Variants in EPHA5 observed in about 807,000 individuals in gnomAD.
The protein encoded by EPHA5 is EPH receptor A5.
EPHA5 carries 60 observed loss-of-function variants against 105.0 expected under a neutral mutation model. That is an observed-to-expected ratio of 0.57 (90% CI 0.46 to 0.71). The LOEUF (loss-of-function observed/expected upper bound fraction) is 0.71. Ranked by LOEUF, EPHA5 falls within the 30% of genes least tolerant of loss-of-function variation. The probability of loss-of-function intolerance (pLI) is 0.00; values close to 1 mark genes in which losing one functional copy is unlikely to be tolerated. For synonymous variants in EPHA5, 513 were observed against 449.1 expected (o/e 1.14, Z -1.80); for missense variants, 1,218 against 1,274.7 (o/e 0.96, Z 0.68).
chr4:65,388,998 A>T (rs1289523057), intron 8 of EPHA5, among the ~76,000 whole-genome samples: 3 of 152,032 alleles, frequency 2.0e-5, no homozygotes. Flanking sequence ...TCATGTAAAT[A>T]TTGAATTCAT....
chr4:65,333,641 T>G (rs1172876178), intron 15 of EPHA5, among the ~76,000 whole-genome samples: 1 of 145,252 alleles, frequency 6.9e-6, no homozygotes, highest in Non-Finnish European at 1.5e-5. Flanking sequence ...TTTCCTGACT[T>G]TAAAACTCTA....
intron 2 of EPHA5, among the ~76,000 whole-genome samples, chr4:65,624,873 T>C (rs1745999038): frequency 6.6e-6 from 1 of 152,194 alleles, no homozygotes; most frequent in Non-Finnish European, 1.5e-5. Flanking sequence ...AAATAATCAT[T>C]GTGCCTAACT....
chr4:65,348,687 TATATATATATAA>T (rs1387605097), intron 13 of EPHA5, among the ~76,000 whole-genome samples: 821 of 56,244 alleles, frequency 0.015, 24 homozygotes, highest in East Asian at 0.079. Flanking sequence ...TATATATATA[TATATATATATAA>T]AATATATATG....
At chr4:65,443,928 T>TGTGC (rs759410068) in intron 5 of EPHA5, among the ~76,000 whole-genome samples, 22 of 151,668 alleles carry the variant, frequency 1.5e-4, no homozygotes, top group Middle Eastern at 3.4e-3. Flanking sequence ...TGTGTGTGTG[T>TGTGC]GCGTGCACGT....
chr4:65,407,165 T>C (rs1461150778), intron 7 of EPHA5, among the ~76,000 whole-genome samples: 1 of 152,146 alleles, frequency 6.6e-6, no homozygotes, highest in African/African-American at 2.4e-5. Flanking sequence ...AGAGTCCTAC[T>C]ACCTTTGGAA....
At chr4:65,584,684 T>C (rs1741946187) in intron 3 of EPHA5, among the ~76,000 whole-genome samples, 1 of 151,946 alleles carries the variant, frequency 6.6e-6, no homozygotes, top group South Asian at 2.1e-4. Context: ...TTTTTGTTAA[T>C]TTTTAGAGTT....
rs1451554088 is a variant in EPHA5, at chr4:65,490,687, G to A, written c.1092C>T (p.Ala364=). 1 of 1,613,744 alleles carries A rather than the reference G, an allele frequency of 6.2e-7. No individual in the cohort carries two copies. ...CTRPPSAPRN[A]ISNVNETSVF... ...CACTAGTTTCATTAACATTTGAGATGGCATTCCGAGGAGCAGAGGGGGGTC... is the reference window on the plus strand; with the variant it reads ...CACTAGTTTCATTAACATTTGAGATAGCATTCCGAGGAGCAGAGGGGGGTC... The change falls in exon 5 of 17, where the codon GCC becomes GCT. Residue 364 remains alanine (A), a synonymous_variant. Coordinates refer to ENST00000613740, the MANE Select transcript of EPHA5 (RefSeq NM_001281766.3).
chr4:65,591,340 C>T (rs1316031582), intron 3 of EPHA5, among the ~76,000 whole-genome samples: 1 of 151,798 alleles, frequency 6.6e-6, no homozygotes, highest in Non-Finnish European at 1.5e-5. Flanking sequence ...TAAATTCATG[C>T]CTTTTTTTCT....
intron 5 of EPHA5, among the ~76,000 whole-genome samples, chr4:65,468,162 C>A (rs1728900748): frequency 6.6e-6 from 1 of 152,012 alleles, no homozygotes. Context: ...GTTACCTATC[C>A]AACCTGCATC....
At chr4:65,381,653 T>C (rs1719575051) in intron 8 of EPHA5, among the ~76,000 whole-genome samples, 1 of 151,808 alleles carries the variant, frequency 6.6e-6, no homozygotes, top group Admixed American at 6.6e-5. Flanking sequence ...TATTTCAGGA[T>C]GCAAAACTGC....
intron 3 of EPHA5, among the ~76,000 whole-genome samples, chr4:65,533,098 C>T (rs1735976789): frequency 6.6e-6 from 1 of 152,014 alleles, no homozygotes; most frequent in Admixed American, 6.6e-5. Flanking sequence ...ACTTCAATTT[C>T]AATTATTCTA....
intron 3 of EPHA5, among the ~76,000 whole-genome samples, chr4:65,540,197 C>A (rs1736681857): frequency 1.3e-5 from 2 of 151,416 alleles, no homozygotes; most frequent in African/African-American, 4.8e-5. Flanking sequence ...ATTGTACAGA[C>A]CAAAGGAAAT....
intron 7 of EPHA5, among the ~76,000 whole-genome samples, chr4:65,406,334 C>A (rs1169643616): frequency 6.6e-6 from 1 of 152,158 alleles, no homozygotes; most frequent in African/African-American, 2.4e-5. Context: ...TTGCCACATG[C>A]AATGAGTGCT....
Position 65,324,003 on chromosome 4 carries a change from A to C in EPHA5, c.*111T>G. The C allele has an allele frequency of 1.5e-6, 1 of 680,588 alleles. No homozygotes were observed. The allele number at this position is 680,588 out of a possible 1,614,324, so 42.2% of individuals were successfully genotyped here. ...CTGTGGCTGAGGCAAATGTTTTCTAAGGTTTAGAAATCACTGTTTTCCCTT... is the reference window on the plus strand; with the variant it reads ...CTGTGGCTGAGGCAAATGTTTTCTACGGTTTAGAAATCACTGTTTTCCCTT... On this transcript the variant is annotated 3_prime_UTR_variant, in exon 17 of 17. Transcript: ENST00000613740.
At chr4:65,575,584 A>G (rs1178082752) in intron 3 of EPHA5, among the ~76,000 whole-genome samples, 1 of 152,136 alleles carries the variant, frequency 6.6e-6, no homozygotes, top group Non-Finnish European at 1.5e-5. Flanking sequence ...TTACAATAAG[A>G]TGCAGTCTTA....
At chr4:65,408,554 G>C (rs1722594901) in intron 7 of EPHA5, among the ~76,000 whole-genome samples, 1 of 76,682 alleles carries the variant, frequency 1.3e-5, no homozygotes, top group African/African-American at 4.0e-5. Context: ...CTTCTCAAAA[G>C]AAGACTTTTA....
intron 2 of EPHA5, among the ~76,000 whole-genome samples, chr4:65,620,710 T>C (rs2149475457): frequency 6.6e-6 from 1 of 152,318 alleles, no homozygotes; most frequent in Admixed American, 6.5e-5. Context: ...AGGCAGATCA[T>C]GGTCTTGGTT....
chr4:65,584,612 C>T (rs752439212), intron 3 of EPHA5, among the ~76,000 whole-genome samples: 30 of 151,970 alleles, frequency 2.0e-4, no homozygotes, highest in East Asian at 1.5e-3. Flanking sequence ...AGAAAAGTGT[C>T]TCTAATACCT....
intron 1 of EPHA5, among the ~76,000 whole-genome samples, chr4:65,653,484 CTGATCACAA>C (rs1225269187): frequency 6.6e-6 from 1 of 152,016 alleles, no homozygotes; most frequent in African/African-American, 2.4e-5. Flanking sequence ...TTTTAGGTGG[CTGATCACAA>C]ACATTTTAGT....
Sources: gnomAD v4.1 joint callset for allele counts (sites outside exome capture counted in the v4.1 genomes callset) on GRCh38, gnomAD v4.1.1 for gene constraint, MANE v1.5 for transcripts, NCBI Gene and HGNC (gene_info 2026-07-23, HGNC 2026-07-21) for gene names.